RAB27A: variants seen among roughly 807,000 people sequenced by gnomAD.
The protein encoded by RAB27A is RAB27A, member RAS oncogene family.
Under a neutral mutation model 20.8 loss-of-function variants are expected in RAB27A, and 17 were observed. The observed-to-expected ratio is 0.82, with a 90% CI of 0.56 to 1.23. The LOEUF is 1.23. Ranked by LOEUF, RAB27A falls within the 50% of genes most tolerant of loss-of-function variation. The pLI is 0.00. For missense variants in RAB27A, 277 were observed against 266.7 expected, an observed-to-expected ratio of 1.04 and a Z score of -0.27; for synonymous variants, 85 against 92.8, an observed-to-expected ratio of 0.92 and a Z score of 0.48.
intron 2 of RAB27A, among the ~76,000 whole-genome samples, chr15:55,266,051 C>T (rs186280235): frequency 6.1e-4 from 93 of 152,318 alleles, no homozygotes; most frequent in African/African-American, 2.1e-3. Flanking sequence ...ATGTTACCGA[C>T]TGAATGTTTG....
chr15:55,269,422 A>T (rs1323929763), intron 2 of RAB27A, among the ~76,000 whole-genome samples: 1 of 152,186 alleles, frequency 6.6e-6, no homozygotes, highest in Non-Finnish European at 1.5e-5. Flanking sequence ...CTTATACTAA[A>T]ACACACACTT....
intron 2 of RAB27A, among the ~76,000 whole-genome samples, chr15:55,298,699 G>C (rs1042150594): frequency 6.6e-6 from 1 of 152,142 alleles, no homozygotes; most frequent in African/African-American, 2.4e-5. Context: ...CGCTATGGGA[G>C]ACTGGGGTCT....
chr15:55,238,923 A>G (rs192495685), intron 2 of RAB27A, among the ~76,000 whole-genome samples: 7 of 152,300 alleles, frequency 4.6e-5, no homozygotes, highest in African/African-American at 1.4e-4. Flanking sequence ...AATCTGGTTC[A>G]TATTATTTTA....
At chr15:55,265,386 G>T (rs557815301) in intron 2 of RAB27A, among the ~76,000 whole-genome samples, 130 of 152,204 alleles carry the variant, frequency 8.5e-4, no homozygotes, top group African/African-American at 3.0e-3. Flanking sequence ...TCACACAGGG[G>T]CATCTGAGCT....
intron 1 of RAB27A, among the ~76,000 whole-genome samples, chr15:55,274,794 T>TTATATA (rs371945954): frequency 0.026 from 1,349 of 52,102 alleles, 109 homozygotes; most frequent in African/African-American, 0.047. Context: ...AATAAATAAA[T>TTATATA]TATATATATA....
intron 1 of RAB27A, among the ~76,000 whole-genome samples, chr15:55,276,510 C>T (rs1897878715): frequency 1.3e-5 from 2 of 152,126 alleles, no homozygotes; most frequent in Non-Finnish European, 2.9e-5. Flanking sequence ...TTCAAGGCTG[C>T]AGTGAGCTAT....
chr15:55,230,413 G>A lies in RAB27A; in HGVS notation c.227C>T (p.Ala76Val), dbSNP rs766632505. The A allele has an allele frequency of 2.7e-5, 43 of 1,612,436 alleles. No homozygotes were observed. Among genetic ancestry groups the A allele is most frequent in the Non-Finnish European group, 3.5e-5 (41 of 1,178,596 alleles). ...GAAGATCTCATACCTCTCCTGCCCT[G>A]CTGTGTCCCATAACTGCAGGTGGAT... ...QRIHLQLWDT[A>V]GQERFRSLTT... is the part of the protein sequence containing the mutation. Residue 76 changes from alanine to valine, a missense_variant, in exon 4 of 7, where the codon GCA (alanine) becomes GTA (valine). Physicochemically the swap from Ala to Val is moderately conservative, Grantham distance 64. Transcript: ENST00000336787.
intron 2 of RAB27A, among the ~76,000 whole-genome samples, chr15:55,240,166 A>T (rs1352413545): frequency 1.3e-5 from 2 of 152,172 alleles, no homozygotes; most frequent in African/African-American, 4.8e-5. Flanking sequence ...CAGAAAGAAA[A>T]TACTCCACTC....
rs535489646 is a variant in RAB27A at position 55,235,668 on chromosome 15, T to C, written c.-22-712A>G. Among the ~76,000 whole-genome samples the C allele has an allele frequency of 3.3e-5, 5 of 152,162 alleles. No individual in the cohort carries two copies. In the East Asian group the frequency reaches 9.7e-4, roughly 29 times the overall value. ...ATCATTAGAGTGCAAGTGGTTCCAA[T>C]TTCCCCTCCTTTTTCAAAGTCTCCT... On this transcript the variant is annotated intron_variant, in intron 2 of 6. Coordinates refer to ENST00000336787, the MANE Select transcript of RAB27A (RefSeq NM_183235.3).
rs868846312 is a variant in RAB27A, at chr15:55,302,758, C to T, written c.-112+11281G>A. Reference sequence around the variant, plus strand: ...CTGGGATGTGAGGAGCACCTCTGCCCGGCCGAGACCCCGTCTGGGAGGTGA... The same window carrying T: ...CTGGGATGTGAGGAGCACCTCTGCCTGGCCGAGACCCCGTCTGGGAGGTGA... On this transcript the variant is annotated intron_variant, in intron 2 of 5. Coordinates refer to the RAB27A transcript ENST00000563262. Among the ~76,000 whole-genome samples the T allele has an allele frequency of 9.8e-3, 1,306 of 132,952 alleles. 38 individuals carry two copies. Among genetic ancestry groups the T allele is most frequent in the African/African-American group, 0.038 (1,191 of 31,108 alleles). 87.2% of individuals were successfully genotyped at this position (132,952 alleles called of 152,430 possible).
chr15:55,261,512 G>C (rs1388101980), intron 2 of RAB27A, among the ~76,000 whole-genome samples: 1 of 150,796 alleles, frequency 6.6e-6, no homozygotes, highest in Admixed American at 6.6e-5. Flanking sequence ...GCCAGATTAT[G>C]AGATCAGGAG....
intron 2 of RAB27A, among the ~76,000 whole-genome samples, chr15:55,263,002 CATT>C (rs1897331370): frequency 6.6e-6 from 1 of 152,180 alleles, no homozygotes; most frequent in South Asian, 2.1e-4. Flanking sequence ...AACTTTATCA[CATT>C]TTGTTTCAGC....
At chr15:55,267,497 A>G (rs1897540372) in intron 2 of RAB27A, among the ~76,000 whole-genome samples, 1 of 152,226 alleles carries the variant, frequency 6.6e-6, no homozygotes, top group South Asian at 2.1e-4. Context: ...CCAAGAGGGC[A>G]GGGCCCCAGC....
chr15:55,209,869 T>TGCGTATATATACGTATATAC lies in RAB27A; in HGVS notation c.468-4165_468-4164insGTATATACGTATATATACGC, dbSNP rs1555391681. On this transcript the variant is annotated intron_variant, in intron 6 of 6. Coordinates refer to ENST00000336787, the MANE Select transcript of RAB27A (RefSeq NM_183235.3). ...ACATATATGTGTGTATATACATATA[T>TGCGTATATATACGTATATAC]ACATATATGTGTGTGTATACATATA... Among the ~76,000 whole-genome samples, 10 of 8,224 alleles carry TGCGTATATATACGTATATAC rather than the reference T, an allele frequency of 1.2e-3. 1 individual carries two copies. The highest frequency in any genetic ancestry group is 3.8e-3 in the Admixed American group (2 of 526). 5.4% of individuals were successfully genotyped at this position (8,224 alleles called of 152,430 possible).
In RAB27A at chr15:55,203,738, T is replaced by A. The variant is rs557478537; in HGVS notation, c.*1769A>T. 5 of 152,016 alleles carry A rather than the reference T, an allele frequency of 3.3e-5. No homozygotes were observed. The East Asian group carries it at 7.7e-4, about 24-fold the overall frequency. The allele number at this position is 152,016 out of a possible 1,614,324, so 9.4% of individuals were successfully genotyped here. A position where few individuals can be genotyped will look rare whatever the true frequency, so the allele number is the denominator to read the frequency against. ...CGCCTGGCCAACCCTGCTCTTGAAATGTCTAAATCTTTTCCTCACTAGCAT... is the reference window on the plus strand; with the variant it reads ...CGCCTGGCCAACCCTGCTCTTGAAAAGTCTAAATCTTTTCCTCACTAGCAT... On this transcript the variant is annotated 3_prime_UTR_variant, in exon 7 of 7. Transcript: ENST00000336787.
At chr15:55,291,770 A>G (rs905055703), upstream of RAB27A, among the ~76,000 whole-genome samples, 1 of 152,006 alleles carries the variant, frequency 6.6e-6, no homozygotes, top group African/African-American at 2.4e-5. Flanking sequence ...TTCATCACCC[A>G]TTCATTCACT....
intron 1 of RAB27A, among the ~76,000 whole-genome samples, chr15:55,273,018 C>T (rs940572209): frequency 7.2e-5 from 11 of 152,068 alleles, no homozygotes; most frequent in African/African-American, 2.2e-4. Flanking sequence ...AAAGAAAGAA[C>T]GAACTACCAA....
At chr15:55,312,722 A>T (rs941338989) in intron 2 of RAB27A, among the ~76,000 whole-genome samples, 1 of 152,014 alleles carries the variant, frequency 6.6e-6, no homozygotes, top group Non-Finnish European at 1.5e-5. Flanking sequence ...CAAAAGGGGG[A>T]TCAAAAGCAG....
At chr15:55,296,557 GC>G (rs1439712080) in intron 2 of RAB27A, among the ~76,000 whole-genome samples, 1 of 152,142 alleles carries the variant, frequency 6.6e-6, no homozygotes, top group Non-Finnish European at 1.5e-5. Context: ...AAAAAGATGA[GC>G]CAGAAAGTAA....
Sources: allele counts gnomAD v4.1 joint callset (sites outside exome capture counted in the v4.1 genomes callset), GRCh38; gene constraint gnomAD v4.1.1; transcripts MANE v1.5; gene names NCBI Gene and HGNC (gene_info 2026-07-23, HGNC 2026-07-21).